The following TBC1D24 variants were observed in gnomAD, a reference collection of about 807,000 sequenced individuals.
TBC1D24 encodes Infantile myoclonic epilepsy.
In TBC1D24, 47 loss-of-function variants were observed where a neutral mutation model predicts 50.7. The ratio of observed to expected loss-of-function variants is 0.93; its 90% CI spans 0.73 to 1.18. The LOEUF (loss-of-function observed/expected upper bound fraction) is 1.18. Among genes scored for constraint, TBC1D24 ranks in the 50% most tolerant of loss-of-function variants. The pLI is 0.00. For missense variants in TBC1D24, 688 were observed against 766.5 expected, an observed-to-expected ratio of 0.90 and a Z score of 1.21; for synonymous variants, 324 against 335.2, an observed-to-expected ratio of 0.97 and a Z score of 0.36.
rs2141869887 is a variant in TBC1D24, at chr16:2,495,543, G to A, written c.-115-491G>A. ...CGTCTGTAATCCCACACTTTGGGAG[G>A]CCAAGGCAGGCACATCACAAGGTCA... On this transcript the variant is annotated intron_variant, in intron 1 of 7. Coordinates refer to ENST00000646147, the MANE Select transcript of TBC1D24 (RefSeq NM_001199107.2). Among the ~76,000 whole-genome samples the A allele has an allele frequency of 2.6e-5, 4 of 152,138 alleles. 1 individual carries two copies. The highest frequency in any genetic ancestry group is 2.6e-4 in the Admixed American group (4 of 15,280).
intron 1 of TBC1D24, chr16:2,478,493 A>C (rs897457503): frequency 6.6e-6 from 1 of 152,302 alleles, no homozygotes; most frequent in Admixed American, 6.5e-5. Context: ...GGCAGTAAGC[A>C]TATGTGTTTT....
At chr16:2,477,435 T>A (rs1057420837) in intron 1 of TBC1D24, 1 of 152,222 alleles carries the variant, frequency 6.6e-6, no homozygotes. Context: ...TATGGTGGCA[T>A]GTGCCTGTGG....
chr16:2,496,920 C>A lies in TBC1D24; in HGVS notation c.772C>A (p.Gln258Lys). Residue 258 changes from glutamine (Q) to lysine (K), a missense_variant, in exon 2 of 8, where the codon CAG becomes AAG. Physicochemically the swap from Gln to Lys is moderately conservative, Grantham distance 53. Coordinates refer to ENST00000646147, the MANE Select transcript of TBC1D24 (RefSeq NM_001199107.2). Reference sequence around the variant, plus strand: ...GTTCTTCCACAAGGTGAGGGCCGGGCAGCCGCTGGAGTCGGACAGCGTGAA... The same window carrying A: ...GTTCTTCCACAAGGTGAGGGCCGGGAAGCCGCTGGAGTCGGACAGCGTGAA... ...LKFFHKVRAG[Q>K]PLESDSVKQD... 2 of 1,614,064 alleles carry A rather than the reference C, an allele frequency of 1.2e-6. No individual in the cohort carries two copies. Among genetic ancestry groups the A allele is most frequent in the Non-Finnish European group, 1.7e-6 (2 of 1,180,054 alleles).
rs1213103092 is a variant in TBC1D24 at position 2,486,905 on chromosome 16, G to A, written c.-115-9129G>A. ...GGATCCAACCCTGAGCCATCTCTGG[G>A]GGTCCCCTCATCTTCTCCACCCTCC... On this transcript the variant is annotated intron_variant, in intron 1 of 7. Coordinates refer to ENST00000646147, the MANE Select transcript of TBC1D24 (RefSeq NM_001199107.2). The surrounding 1 kb of genome is among the most constrained non-coding windows in gnomAD (Gnocchi z 5.8). 1.3e-5 allele frequency among the ~76,000 whole-genome samples: 2 copies of A among 152,136 alleles called. No homozygotes were observed. Among genetic ancestry groups the A allele is most frequent in the East Asian group, 3.9e-4 (2 of 5,192 alleles).
Position 2,501,113 on chromosome 16 carries a change from T to G in TBC1D24, c.*155T>G. On this transcript the variant is annotated 3_prime_UTR_variant, in exon 8 of 8. Coordinates refer to ENST00000646147, the MANE Select transcript of TBC1D24 (RefSeq NM_001199107.2). ...CAAGCCTGGCGTTGCCTGGACCTGCTGCTGCCTCTACCTGGGGTTTGGGCT... is the reference window on the plus strand; with the variant it reads ...CAAGCCTGGCGTTGCCTGGACCTGCGGCTGCCTCTACCTGGGGTTTGGGCT... The G allele has an allele frequency of 1.0e-6, 1 of 961,776 alleles. No individual in the cohort carries two copies. Among genetic ancestry groups the G allele is most frequent in the South Asian group, 1.6e-5 (1 of 62,462 alleles). The allele number at this position is 961,776 out of a possible 1,614,324, so 59.6% of individuals were successfully genotyped here.
At chr16:2,490,665 T>C (rs933379794) in intron 1 of TBC1D24, among the ~76,000 whole-genome samples, 2 of 151,672 alleles carry the variant, frequency 1.3e-5, no homozygotes, top group Admixed American at 1.3e-4. Flanking sequence ...CCGTGAGGAG[T>C]TGGGTGTTAT....
At position 2,496,828 on chromosome 16, in the gene TBC1D24, G is replaced by T. The variant is rs756181906; in HGVS notation, c.680G>T (p.Arg227Leu). 1.6e-5 allele frequency: 26 copies of T among 1,613,926 alleles called. No individual in the cohort carries two copies. Among genetic ancestry groups the T allele is most frequent in the Non-Finnish European group, 2.2e-5 (26 of 1,180,044 alleles). ...FGELPLCYFARVFDVFLVEGY... is the reference protein window; with the variant it reads ...FGELPLCYFALVFDVFLVEGY... The stretch of plus-strand genomic sequence containing the variant: ...GAGCTGCCCCTCTGCTACTTCGCCC[G>T]GGTCTTTGACGTCTTCCTGGTGGAG... The change falls in exon 2 of 8, where the codon CGG becomes CTG. Residue 227 changes from arginine (R) to leucine (L), a missense_variant. Transcript: ENST00000646147.
chr16:2,496,967 CAG>C lies in TBC1D24; in HGVS notation c.823_824del (p.Asp275HisfsTer8), dbSNP rs2065748491. ...SVKQDIRTFV[R>X]DIAKTVSPEK... ...TGAAGCAGGACATCCGCACGTTCGT[CAG>C]AGACATCGCGAAGACGGTGTCCCCT... On this transcript the variant is annotated frameshift_variant, in exon 2 of 8. Coordinates refer to ENST00000646147, the MANE Select transcript of TBC1D24 (RefSeq NM_001199107.2). LOFTEE classifies it high-confidence loss of function. 6.2e-7 allele frequency: 1 copy of C among 1,613,900 alleles called. No individual in the cohort carries two copies. Among genetic ancestry groups the C allele is most frequent in the Non-Finnish European group, 8.5e-7 (1 of 1,180,060 alleles).
intron 2 of TBC1D24, 131 bp downstream of exon 2, chr16:2,497,244 C>A: frequency 8.2e-7 from 1 of 1,224,364 alleles, no homozygotes; most frequent in Non-Finnish European, 1.2e-6. Flanking sequence ...CTGTGCATGG[C>A]TGAAAAGACA....
At chr16:2,476,256 CAG>C (rs1341062818) in intron 1 of TBC1D24, among the ~76,000 whole-genome samples, 4 of 152,214 alleles carry the variant, frequency 2.6e-5, no homozygotes, top group African/African-American at 9.6e-5. Flanking sequence ...CCTCAGCACA[CAG>C]TAGGCACCTG....
In TBC1D24 at chr16:2,500,807, G is replaced by A. The variant is rs755880523; in HGVS notation, c.1529G>A (p.Gly510Glu). The A allele has an allele frequency of 1.2e-6, 2 of 1,604,120 alleles. No homozygotes were observed. Among genetic ancestry groups the A allele is most frequent in the South Asian group, 2.2e-5 (2 of 90,852 alleles). ...AGGSDCLIVG[G>E]GGGQALYIDG... ...CACTGACCTGAGCATCCTGCAGGGG[G>A]AGGAGGCGGCCAGGCGCTCTACATC... Residue 510 changes from glycine (G) to glutamate (E), a missense_variant, in exon 8 of 8, where the codon GGA becomes GAA. Physicochemically the swap from Gly to Glu is moderately conservative, Grantham distance 98. Coordinates refer to ENST00000646147, the MANE Select transcript of TBC1D24 (RefSeq NM_001199107.2). The surrounding 1 kb of genome is among the most constrained non-coding windows in gnomAD (Gnocchi z 8.0).
rs1473646900 is a variant in TBC1D24, at chr16:2,499,039, G to T, written c.1143-318G>T. Among the ~76,000 whole-genome samples, 8 of 152,246 alleles carry T rather than the reference G, an allele frequency of 5.3e-5. No individual in the cohort carries two copies. The highest frequency in any genetic ancestry group is 2.6e-4 in the Admixed American group (4 of 15,288). On this transcript the variant is annotated intron_variant, in intron 4 of 7. Coordinates refer to ENST00000646147, the MANE Select transcript of TBC1D24 (RefSeq NM_001199107.2). This position sits in a 1 kb window ranked among gnomAD's most constrained non-coding sequence, Gnocchi z 4.0. ...TCTTTGGCTCCCACATGCCTGGGCTGCGAGGATGGCCCAAACCTCCCCACC... is the reference window on the plus strand; with the variant it reads ...TCTTTGGCTCCCACATGCCTGGGCTTCGAGGATGGCCCAAACCTCCCCACC...
rs2065825429 is a variant in TBC1D24 at position 2,505,164 on chromosome 16, G to T, written c.*4206G>T. On this transcript the variant is annotated 3_prime_UTR_variant, in exon 8 of 8. Transcript: ENST00000646147. ...CACCCTACAACATCTATGTTAGGTAGAAAAGTATGTGGATTTTTAAAAATC... is the reference window on the plus strand; with the variant it reads ...CACCCTACAACATCTATGTTAGGTATAAAAGTATGTGGATTTTTAAAAATC... The T allele has an allele frequency of 6.6e-6, 1 of 152,194 alleles. No individual in the cohort carries two copies. The highest frequency in any genetic ancestry group is 2.4e-5 in the African/African-American group (1 of 41,438). 9.4% of individuals were successfully genotyped at this position (152,194 alleles called of 1,614,324 possible). A position where few individuals can be genotyped will look rare whatever the true frequency, so the allele number is the denominator to read the frequency against.
At chr16:2,490,480 C>G (rs549304503) in intron 1 of TBC1D24, among the ~76,000 whole-genome samples, 1 of 152,320 alleles carries the variant, frequency 6.6e-6, no homozygotes, top group East Asian at 1.9e-4. Context: ...AAGATGGCTT[C>G]CCCCACAGGA....
chr16:2,496,639 C>T lies in TBC1D24; in HGVS notation c.491C>T (p.Pro164Leu). 6.2e-7 allele frequency: 1 copy of T among 1,612,416 alleles called. No homozygotes were observed. Among genetic ancestry groups the T allele is most frequent in the Non-Finnish European group, 8.5e-7 (1 of 1,180,032 alleles). ...TGCCGCATCCTGGCCTGCAATGACC[C>T]CGGCAGGAGGCTGATCGACCAGAGC... is the stretch of plus-strand genomic sequence containing the variant. ...KACRILACND[P>L]GRRLIDQSFL... The change falls in exon 2 of 8, where the codon CCC (proline) becomes CTC (leucine). Residue 164 changes from proline to leucine, a missense_variant. Coordinates refer to ENST00000646147, the MANE Select transcript of TBC1D24 (RefSeq NM_001199107.2).
Position 2,475,318 on chromosome 16 carries a change from A to G in TBC1D24, c.-116+148A>G, listed in dbSNP as rs2065557101. ...CCATTCGAGGCGGGGATCCCCGGCC[A>G]CGCGCGGGTTGGGGGCTCCAGAGCC... On this transcript the variant is annotated intron_variant, in intron 1 of 7. Coordinates refer to ENST00000646147, the MANE Select transcript of TBC1D24 (RefSeq NM_001199107.2). The surrounding 1 kb of genome is among the most constrained non-coding windows in gnomAD (Gnocchi z 4.2). The G allele has an allele frequency of 6.7e-6, 1 of 148,694 alleles. No homozygotes were observed. Among genetic ancestry groups the G allele is most frequent in the Non-Finnish European group, 1.5e-5 (1 of 67,044 alleles). 9.2% of individuals were successfully genotyped at this position (148,694 alleles called of 1,614,324 possible). A position where few individuals can be genotyped will look rare whatever the true frequency, so the allele number is the denominator to read the frequency against.
In TBC1D24 at chr16:2,499,951, C is replaced by T; in HGVS notation, c.1302+21C>T. The T allele has an allele frequency of 1.2e-6, 2 of 1,608,428 alleles. No homozygotes were observed. Among genetic ancestry groups the T allele is most frequent in the Non-Finnish European group, 1.7e-6 (2 of 1,174,830 alleles). ...TTAGGGTGAGTGGGGCCAAGTGTCC[C>T]CAAACCCCCACGCAGACCCTGTAGC... On this transcript the variant is annotated intron_variant, in intron 6 of 7. Transcript: ENST00000646147. This position sits in a 1 kb window ranked among gnomAD's most constrained non-coding sequence, Gnocchi z 4.0.
In TBC1D24 at chr16:2,503,537, G is replaced by C. The variant is rs1596976029; in HGVS notation, c.*2579G>C. 1 of 146,354 alleles carries C rather than the reference G, an allele frequency of 6.8e-6. No homozygotes were observed. The highest frequency in any genetic ancestry group is 2.5e-5 in the African/African-American group (1 of 40,022). The allele number at this position is 146,354 out of a possible 1,614,324, so 9.1% of individuals were successfully genotyped here. ...GAAACTGCATAATAAATTATCATTT[G>C]TTTTTAGAAACATTCAAAGAATTAT... is the stretch of plus-strand genomic sequence containing the variant. On this transcript the variant is annotated 3_prime_UTR_variant, in exon 8 of 8. Transcript: ENST00000646147.
intron 1 of TBC1D24, among the ~76,000 whole-genome samples, chr16:2,488,787 G>A (rs1461357900): frequency 6.8e-6 from 1 of 146,722 alleles, no homozygotes; most frequent in Non-Finnish European, 1.5e-5. Flanking sequence ...TTGGCCGGGC[G>A]CGGTGGCTCA....
Sources: allele counts gnomAD v4.1 joint callset (sites outside exome capture counted in the v4.1 genomes callset), GRCh38; gene constraint gnomAD v4.1.1; non-coding constraint Gnocchi (gnomAD v3.1); transcripts MANE v1.5; gene names NCBI Gene and HGNC (gene_info 2026-07-23, HGNC 2026-07-21).